The following NFX1 variants were observed in gnomAD, a reference collection of about 807,000 sequenced individuals.
NFX1 encodes nuclear transcription factor, X-box binding 1, also known as transcriptional repressor NF-X1.
A neutral mutation model predicts 137.2 loss-of-function variants in NFX1; 69 were observed. That is an observed-to-expected ratio of 0.50 (90% CI 0.41 to 0.61). NFX1 has a LOEUF of 0.61. Among genes scored for constraint, NFX1 ranks in the 20% least tolerant of loss-of-function variants. The probability of loss-of-function intolerance (pLI) is 0.00; values close to 1 mark genes in which losing one functional copy is unlikely to be tolerated. For missense variants in NFX1, 1,167 were observed against 1,391.0 expected, an observed-to-expected ratio of 0.84 and a Z score of 2.56; for synonymous variants, 495 against 474.1, an observed-to-expected ratio of 1.04 and a Z score of -0.57.
intron 14 of NFX1, 102 bp downstream of exon 14, chr9:33,344,290 C>G (rs549152519): frequency 1.3e-6 from 2 of 1,512,828 alleles, no homozygotes; most frequent in South Asian, 2.3e-5. Context: ...GCTGTGATGG[C>G]TGCCCCTTGC....
intron 23 of NFX1, 33 bp from the exon 24 acceptor site, chr9:33,369,873 G>A (rs993334485): frequency 1.3e-6 from 2 of 1,534,838 alleles, no homozygotes; most frequent in African/African-American, 2.7e-5. Flanking sequence ...CCCCAAAGAA[G>A]AAAAGACTGA....
intron 13 of NFX1, among the ~76,000 whole-genome samples, chr9:33,343,307 T>G (rs1823295429): frequency 6.6e-6 from 1 of 152,194 alleles, no homozygotes; most frequent in South Asian, 2.1e-4. Context: ...AATAATTGAT[T>G]AGTATATTTA....
At position 33,365,290 on chromosome 9, in the gene NFX1, A is replaced by G. The variant is rs117783812; in HGVS notation, c.3039+516A>G. 215 of 153,864 alleles carry G rather than the reference A, an allele frequency of 1.4e-3. 2 individuals carry two copies. In the East Asian group the frequency reaches 0.038, roughly 27 times the overall value. 9.5% of individuals were successfully genotyped at this position (153,864 alleles called of 1,614,324 possible). On this transcript the variant is annotated intron_variant, in intron 21 of 23. Transcript: ENST00000379540. Reference sequence around the variant, plus strand: ...ACTCTGTCTCAAAAAGAAAGAAAGAAAGAAAGAAAGCTCTGCAGTCAGCTG... The same window carrying G: ...ACTCTGTCTCAAAAAGAAAGAAAGAGAGAAAGAAAGCTCTGCAGTCAGCTG...
At chr9:33,331,556 A>ATC (rs1822806582) in intron 10 of NFX1, among the ~76,000 whole-genome samples, 1 of 152,226 alleles carries the variant, frequency 6.6e-6, no homozygotes, top group Admixed American at 6.5e-5. Flanking sequence ...TTTGCTTTAT[A>ATC]TCTGTAGAGA....
In NFX1 at chr9:33,364,083, A is replaced by G; in HGVS notation, c.2947A>G (p.Ser983Gly). 1 of 1,603,274 alleles carries G rather than the reference A, an allele frequency of 6.2e-7. No homozygotes were observed. The highest frequency in any genetic ancestry group is 8.5e-7 in the Non-Finnish European group (1 of 1,175,672). Residue 983 changes from serine (S) to glycine (G), a missense_variant, in exon 20 of 24, where the codon AGT becomes GGT. By Grantham distance (56) the Ser-to-Gly change is moderately conservative. Around this residue, in one of 3 missense-constraint regions of NFX1, gnomAD observed 312 missense variants for 312.8 expected, o/e 1.00. Coordinates refer to ENST00000379540, the MANE Select transcript of NFX1 (RefSeq NM_002504.6). ...FNIRSSGSKF[S>G]DSLKEDARKD... is the part of the protein sequence containing the mutation. Reference sequence around the variant, plus strand: ...TATACGTTCTTCAGGGTCAAAATTCAGTGATAGTTTGAAAGAAGATGCCAG... The same window carrying G: ...TATACGTTCTTCAGGGTCAAAATTCGGTGATAGTTTGAAAGAAGATGCCAG...
At chr9:33,346,521 A>G (rs568998474) in intron 14 of NFX1, among the ~76,000 whole-genome samples, 1 of 152,290 alleles carries the variant, frequency 6.6e-6, no homozygotes, top group East Asian at 1.9e-4. Flanking sequence ...ACCCATCTGC[A>G]TAGGAACTGA....
chr9:33,296,468 C>A (rs1368359607), intron 2 of NFX1, among the ~76,000 whole-genome samples: 1 of 152,222 alleles, frequency 6.6e-6, no homozygotes, highest in Non-Finnish European at 1.5e-5. Flanking sequence ...TGGCTCACAC[C>A]TGTAATTCCT....
intron 11 of NFX1, among the ~76,000 whole-genome samples, chr9:33,336,556 A>G (rs1222551740): frequency 6.6e-6 from 1 of 152,132 alleles, no homozygotes; most frequent in Non-Finnish European, 1.5e-5. Context: ...GTGAAGTGAT[A>G]TATCACTACC....
intron 2 of NFX1, 94 bp from the exon 3 acceptor site, chr9:33,301,169 C>T: frequency 5.2e-6 from 6 of 1,161,568 alleles, no homozygotes; most frequent in Non-Finnish European, 7.4e-6. Context: ...TTGGATTCTT[C>T]TCTTGAGTGA....
chr9:33,348,812 C>T (rs556475101), intron 15 of NFX1: 35 of 981,674 alleles, frequency 3.6e-5, no homozygotes, highest in African/African-American at 1.2e-4. Context: ...AACCACCAGA[C>T]GTGGTACACA....
At position 33,295,132 on chromosome 9, in the gene NFX1, T is replaced by G; in HGVS notation, c.738T>G (p.Pro246=). The G allele has an allele frequency of 6.2e-7, 1 of 1,613,878 alleles. No individual in the cohort carries two copies. Among genetic ancestry groups the G allele is most frequent in the African/African-American group, 1.3e-5 (1 of 74,904 alleles). The change falls in exon 2 of 24, where the codon CCT becomes CCG. Residue 246 remains proline, a synonymous_variant. Transcript: ENST00000379540. The part of the protein sequence containing the change: ...NEQRRYPQKR[P]PWEVEGARPR... ...AGAGAAGATACCCACAGAAAAGGCC[T>G]CCCTGGGAAGTGGAGGGGGCCAGGC...
chr9:33,309,991 A>G (rs1383921511), intron 5 of NFX1, among the ~76,000 whole-genome samples: 1 of 152,178 alleles, frequency 6.6e-6, no homozygotes, highest in Admixed American at 6.5e-5. Context: ...GGTATATATA[A>G]AATATAACTG....
intron 13 of NFX1, among the ~76,000 whole-genome samples, 156 bp downstream of exon 13, chr9:33,343,010 G>C (rs1587860555): frequency 6.6e-6 from 1 of 152,158 alleles, no homozygotes; most frequent in East Asian, 1.9e-4. Flanking sequence ...TACTTCTAAT[G>C]CTGTGTTGTA....
intron 1 of NFX1, among the ~76,000 whole-genome samples, chr9:33,294,140 A>T (rs760801060): frequency 6.6e-6 from 1 of 152,206 alleles, no homozygotes; most frequent in African/African-American, 2.4e-5. Context: ...AAATGAATAG[A>T]TGTATACATA....
chr9:33,295,186 G>A lies in NFX1; in HGVS notation c.792G>A (p.Gln264=). The A allele has an allele frequency of 2.5e-6, 4 of 1,614,140 alleles. No homozygotes were observed. Among genetic ancestry groups the A allele is most frequent in the Non-Finnish European group, 3.4e-6 (4 of 1,180,030 alleles). Residue 264 remains glutamine (Q), a synonymous_variant, in exon 2 of 24, where the codon CAG becomes CAA. Coordinates refer to ENST00000379540, the MANE Select transcript of NFX1 (RefSeq NM_002504.6). ...GACCAGGCAGAAATCCACCAAAACA[G>A]GAGGGCCACCGACATACAAACGCAG... The part of the protein sequence containing the change: ...RPRPGRNPPK[Q]EGHRHTNAGH...
chr9:33,304,601 A>G (rs1171136377), intron 4 of NFX1, among the ~76,000 whole-genome samples: 1 of 152,168 alleles, frequency 6.6e-6, no homozygotes, highest in African/African-American at 2.4e-5. Flanking sequence ...TAACCACAGT[A>G]TCATTTAAGA....
intron 13 of NFX1, among the ~76,000 whole-genome samples, chr9:33,343,867 A>G (rs1823313485): frequency 6.6e-6 from 1 of 152,226 alleles, no homozygotes. Context: ...GAAACTTCAT[A>G]TCTGTTCATG....
intron 9 of NFX1, among the ~76,000 whole-genome samples, chr9:33,323,070 TC>T (rs1295677073): frequency 6.6e-6 from 1 of 152,110 alleles, no homozygotes; most frequent in Non-Finnish European, 1.5e-5. Flanking sequence ...CTGAGCGTAA[TC>T]CAAATAAGGC....
intron 11 of NFX1, among the ~76,000 whole-genome samples, chr9:33,335,523 G>A (rs1822971623): frequency 6.6e-6 from 1 of 151,770 alleles, no homozygotes; most frequent in Non-Finnish European, 1.5e-5. Flanking sequence ...ATGAGCCACC[G>A]TGCCCAACCT....
Sources: gnomAD v4.1 joint callset for allele counts (sites outside exome capture counted in the v4.1 genomes callset) on GRCh38, gnomAD v4.1.1 for gene constraint, gnomAD v4.1.1 regional missense constraint, MANE v1.5 for transcripts, NCBI Gene and HGNC (gene_info 2026-07-23, HGNC 2026-07-21) for gene names.